The following RHOBTB3 variants were observed in gnomAD, a reference collection of about 807,000 sequenced individuals.
RHOBTB3 encodes the protein rho-related BTB domain-containing protein 3.
RHOBTB3 carries 47 observed loss-of-function variants against 67.2 expected under a neutral mutation model. The observed-to-expected ratio is 0.70, with a 90% CI of 0.55 to 0.89. The LOEUF (loss-of-function observed/expected upper bound fraction) is 0.89, where lower values mean the gene tolerates loss of function less well. Ranked by LOEUF, RHOBTB3 falls within the 40% of genes least tolerant of loss-of-function variation. The probability of loss-of-function intolerance (pLI) is 0.00; values close to 1 mark genes in which losing one functional copy is unlikely to be tolerated. For missense variants in RHOBTB3, 631 were observed against 750.0 expected (o/e 0.84, Z 1.85); for synonymous variants, 273 against 274.2 (o/e 1.00, Z 0.04).
intron 7 of RHOBTB3, among the ~76,000 whole-genome samples, chr5:95,766,541 C>T (rs1204783006): frequency 6.7e-6 from 1 of 149,272 alleles, no homozygotes; most frequent in African/African-American, 2.5e-5. Context: ...TTGGGTAACA[C>T]TACCTGAAAA....
chr5:95,776,266 G>A (rs1249998133), intron 8 of RHOBTB3, among the ~76,000 whole-genome samples: 2 of 151,962 alleles, frequency 1.3e-5, no homozygotes, highest in African/African-American at 4.8e-5. Context: ...AATCAGCCAG[G>A]CAAGGTGGCA....
intron 3 of RHOBTB3, among the ~76,000 whole-genome samples, chr5:95,746,391 T>C (rs1213473866): frequency 1.3e-5 from 2 of 152,108 alleles, no homozygotes; most frequent in South Asian, 2.1e-4. Flanking sequence ...TTTGTAGATA[T>C]AAGAAGGCCT....
At chr5:95,734,198 T>C (rs1755391336) in intron 2 of RHOBTB3, among the ~76,000 whole-genome samples, 1 of 152,204 alleles carries the variant, frequency 6.6e-6, no homozygotes, top group South Asian at 2.1e-4. Flanking sequence ...TTTATACAAC[T>C]ACAGTACCAG....
At chr5:95,784,036 A>G in intron 10 of RHOBTB3, 73 bp downstream of exon 10, 1 of 1,261,884 alleles carries the variant, frequency 7.9e-7, no homozygotes, top group Non-Finnish European at 1.1e-6. Flanking sequence ...TTTAAAATTT[A>G]TCATTTTTTA....
chr5:95,757,450 T>C (rs1246018539), intron 6 of RHOBTB3, among the ~76,000 whole-genome samples: 1 of 152,202 alleles, frequency 6.6e-6, no homozygotes, highest in Non-Finnish European at 1.5e-5. Flanking sequence ...TTAATTTGTT[T>C]TTAGGGTTCA....
upstream of RHOBTB3, among the ~76,000 whole-genome samples, chr5:95,729,573 T>C (rs759939105): frequency 4.6e-5 from 7 of 152,230 alleles, no homozygotes; most frequent in Non-Finnish European, 8.8e-5. Flanking sequence ...TTCAGTTCTA[T>C]AGTTCAGTAT....
intron 1 of RHOBTB3, among the ~76,000 whole-genome samples, chr5:95,723,199 G>A (rs898956108): frequency 1.3e-5 from 2 of 151,902 alleles, no homozygotes; most frequent in Non-Finnish European, 2.9e-5. Context: ...AAAAAAGATA[G>A]CAAAAAAATA....
chr5:95,724,686 G>A (rs1045640297), intron 1 of RHOBTB3, among the ~76,000 whole-genome samples: 7 of 152,056 alleles, frequency 4.6e-5, no homozygotes, highest in African/African-American at 1.2e-4. Context: ...GGCTGGTTTC[G>A]AACGCCTGAC....
intron 10 of RHOBTB3, among the ~76,000 whole-genome samples, chr5:95,786,108 G>C (rs1194476580): frequency 6.6e-6 from 1 of 152,102 alleles, no homozygotes; most frequent in Non-Finnish European, 1.5e-5. Context: ...CAGTTTTCCT[G>C]TATTCTTTTC....
At position 95,718,072 on chromosome 5, in the gene RHOBTB3, A is replaced by G. The variant is rs373765865; in HGVS notation, n.133+307A>G. 1.2e-4 allele frequency among the ~76,000 whole-genome samples: 19 copies of G among 152,338 alleles called. No homozygotes were observed. In the East Asian group the frequency reaches 3.7e-3, roughly 29 times the overall value. ...GTAGCATTTAAAACCAGTTAGCTTT[A>G]AACACTAGAAAGTATGTTATGGACC... On this transcript the variant is annotated intron_variant and non_coding_transcript_variant, in intron 1 of 5. Coordinates refer to the RHOBTB3 transcript ENST00000504949.
At chr5:95,747,352 G>A (rs987495389) in intron 3 of RHOBTB3, among the ~76,000 whole-genome samples, 5 of 152,106 alleles carry the variant, frequency 3.3e-5, no homozygotes, top group Non-Finnish European at 5.9e-5. Context: ...CCTGAGAAGC[G>A]TTATTCCCAA....
chr5:95,786,310 C>T (rs2112837571), intron 10 of RHOBTB3, among the ~76,000 whole-genome samples: 1 of 152,342 alleles, frequency 6.6e-6, no homozygotes, highest in South Asian at 2.1e-4. Context: ...GAATTAGACT[C>T]CCAGTAGCTC....
upstream of RHOBTB3, among the ~76,000 whole-genome samples, chr5:95,729,451 CATTTTTGTATTAAT>C (rs1755155736): frequency 6.6e-6 from 1 of 152,120 alleles, no homozygotes; most frequent in East Asian, 1.9e-4. Flanking sequence ...ATTTTTGTTT[CATTTTTGTATTAAT>C]ATTTTTATAT....
At chr5:95,721,693 TAAA>T (rs58596325) in intron 1 of RHOBTB3, among the ~76,000 whole-genome samples, 1 of 132,188 alleles carries the variant, frequency 7.6e-6, no homozygotes, top group South Asian at 2.5e-4. Context: ...CTGAGAGCAT[TAAA>T]AAAAAAAAAA....
chr5:95,744,810 C>T (rs192256331), intron 3 of RHOBTB3, among the ~76,000 whole-genome samples: 67 of 152,256 alleles, frequency 4.4e-4, no homozygotes, highest in African/African-American at 1.6e-3. Flanking sequence ...GTGACTCACG[C>T]CTGTAATCCC....
At position 95,779,308 on chromosome 5, in the gene RHOBTB3, T is replaced by G. The variant is rs368187819; in HGVS notation, c.1283-944T>G. Among the ~76,000 whole-genome samples the G allele has an allele frequency of 2.6e-3, 402 of 152,260 alleles. 3 individuals are homozygous for G. The highest frequency in any genetic ancestry group is 9.1e-3 in the African/African-American group (379 of 41,566). ...AAACTGCTCCAAAGCAGAGGTAGCTTTGTCTTCCTCCTCTTTGTGTCTTCA... is the reference window on the plus strand; with the variant it reads ...AAACTGCTCCAAAGCAGAGGTAGCTGTGTCTTCCTCCTCTTTGTGTCTTCA... On this transcript the variant is annotated intron_variant, in intron 8 of 11. Transcript: ENST00000379982.
intron 4 of RHOBTB3, among the ~76,000 whole-genome samples, chr5:95,750,785 G>A (rs1032716208): frequency 1.3e-5 from 2 of 152,180 alleles, no homozygotes; most frequent in Non-Finnish European, 2.9e-5. Context: ...ACAGTGGACA[G>A]AGCTTTGATG....
At chr5:95,772,880 G>A (rs151128414) in intron 8 of RHOBTB3, among the ~76,000 whole-genome samples, 2 of 152,260 alleles carry the variant, frequency 1.3e-5, no homozygotes, top group African/African-American at 2.4e-5. Context: ...CTTTGCCAGC[G>A]ATGTTCATTT....
At position 95,795,305 on chromosome 5, in the gene RHOBTB3, A is replaced by G. The variant is rs1187271279; in HGVS notation, c.*2131A>G. Reference sequence around the variant, plus strand: ...CAAAGATTAGCATTGTAAAAAACAGATACTGTGGTAGATTTCTAGAAATTC... The same window carrying G: ...CAAAGATTAGCATTGTAAAAAACAGGTACTGTGGTAGATTTCTAGAAATTC... On this transcript the variant is annotated 3_prime_UTR_variant, in exon 12 of 12. Coordinates refer to ENST00000379982, the MANE Select transcript of RHOBTB3 (RefSeq NM_014899.4). 6.6e-6 allele frequency: 1 copy of G among 152,200 alleles called. No individual in the cohort carries two copies. Among genetic ancestry groups the G allele is most frequent in the Non-Finnish European group, 1.5e-5 (1 of 68,032 alleles). 9.4% of individuals were successfully genotyped at this position (152,200 alleles called of 1,614,324 possible). A position where few individuals can be genotyped will look rare whatever the true frequency, so the allele number is the denominator to read the frequency against.
Sources: gnomAD v4.1 joint callset for allele counts (sites outside exome capture counted in the v4.1 genomes callset) on GRCh38, gnomAD v4.1.1 for gene constraint, MANE v1.5 for transcripts, NCBI Gene and HGNC (gene_info 2026-07-23, HGNC 2026-07-21) for gene names.